The following DPP10 variants were observed in gnomAD, a reference collection of about 807,000 sequenced individuals.
DPP10 encodes the protein dipeptidyl peptidase like 10, also known as inactive dipeptidyl peptidase 10.
Under a neutral mutation model 120.9 loss-of-function variants are expected in DPP10, and 33 were observed. The observed-to-expected ratio is 0.27, with a 90% CI of 0.21 to 0.37. DPP10 has a LOEUF of 0.37. Ranked by LOEUF, DPP10 falls within the 10% of genes least tolerant of loss-of-function variation. The probability of loss-of-function intolerance (pLI) is 1.00; values close to 1 mark genes in which losing one functional copy is unlikely to be tolerated. For synonymous variants in DPP10, 337 were observed against 326.1 expected (o/e 1.03, Z -0.36); for missense variants, 816 against 942.8 (o/e 0.87, Z 1.76).
chr2:114,830,592 A>G (rs1362173854), intron 1 of DPP10, among the ~76,000 whole-genome samples: 1 of 152,178 alleles, frequency 6.6e-6, no homozygotes, highest in African/African-American at 2.4e-5. Flanking sequence ...TGCCTAGCAC[A>G]CAGTAGGTTC....
chr2:115,383,198 C>T lies in DPP10; in HGVS notation c.271+39286C>T, dbSNP rs111955721. On this transcript the variant is annotated intron_variant, in intron 3 of 25. Coordinates refer to ENST00000410059, the MANE Select transcript of DPP10 (RefSeq NM_020868.6). Reference sequence around the variant, plus strand: ...CCACCCAAATCTCATCTTGAATCCCCGTGTGTTGTGGGAGGTTCCTGGTGG... The same window carrying T: ...CCACCCAAATCTCATCTTGAATCCCTGTGTGTTGTGGGAGGTTCCTGGTGG... 7.3e-4 allele frequency among the ~76,000 whole-genome samples: 111 copies of T among 152,224 alleles called. 1 individual carries two copies. The highest frequency in any genetic ancestry group is 2.4e-3 in the African/African-American group (100 of 41,536).
At chr2:114,480,051 G>T (rs36176651) in intron 1 of DPP10, among the ~76,000 whole-genome samples, 5,488 of 152,240 alleles carry the variant, frequency 0.036, 142 homozygotes, top group Non-Finnish European at 0.058. Context: ...GTGGGCGAAG[G>T]ATATGAACAG....
intron 1 of DPP10, among the ~76,000 whole-genome samples, chr2:114,525,792 T>G (rs1226050946): frequency 6.6e-6 from 1 of 152,226 alleles, no homozygotes; most frequent in African/African-American, 2.4e-5. Flanking sequence ...TGAAAGTATC[T>G]TTATTTAGCA....
intron 7 of DPP10, among the ~76,000 whole-genome samples, chr2:115,703,420 G>C (rs1490051674): frequency 6.6e-6 from 1 of 151,926 alleles, no homozygotes; most frequent in Non-Finnish European, 1.5e-5. Context: ...GAGGGAGAAG[G>C]ATTTTAACGA....
At chr2:114,469,011 A>G (rs1046142315) in intron 1 of DPP10, among the ~76,000 whole-genome samples, 2 of 152,244 alleles carry the variant, frequency 1.3e-5, no homozygotes, top group African/African-American at 4.8e-5. Flanking sequence ...AAGTTGACAG[A>G]GATAGCATGT....
intron 1 of DPP10, among the ~76,000 whole-genome samples, chr2:115,155,908 T>A (rs533720431): frequency 1.3e-5 from 2 of 152,330 alleles, no homozygotes; most frequent in African/African-American, 4.8e-5. Context: ...TTTCTCCTCC[T>A]ACTCTACCTT....
intron 1 of DPP10, among the ~76,000 whole-genome samples, chr2:114,969,403 T>G (rs536439073): frequency 1.3e-5 from 2 of 152,338 alleles, no homozygotes; most frequent in South Asian, 4.1e-4. Context: ...TGTTTAAATT[T>G]TGTTTTTCTA....
rs569054690 is a variant in DPP10 at position 115,039,458 on chromosome 2, T to TGA, written c.61-269775_61-269774dup. Among the ~76,000 whole-genome samples, 248 of 152,280 alleles carry TGA rather than the reference T, an allele frequency of 1.6e-3. 1 individual carries two copies. The highest frequency in any genetic ancestry group is 3.0e-3 in the Non-Finnish European group (204 of 68,018). ...CATATAAAAGAAACAGCTGTGTTTC[T>TGA]GAGAGAGTTTGTAGGCATTCTGACC... On this transcript the variant is annotated intron_variant, in intron 1 of 25. Coordinates refer to ENST00000410059, the MANE Select transcript of DPP10 (RefSeq NM_020868.6).
chr2:114,777,486 C>A, intron 1 of DPP10, among the ~76,000 whole-genome samples: 1 of 150,768 alleles, frequency 6.6e-6, no homozygotes, highest in East Asian at 1.9e-4. Context: ...AAGTTGGCAA[C>A]CTCCCTATTT....
At chr2:115,674,241 A>G (rs1469289997) in intron 5 of DPP10, among the ~76,000 whole-genome samples, 1 of 146,362 alleles carries the variant, frequency 6.8e-6, no homozygotes, top group Non-Finnish European at 1.5e-5. Context: ...AAAATAAATG[A>G]GTAAATAAAT....
intron 1 of DPP10, among the ~76,000 whole-genome samples, chr2:114,611,859 C>G (rs977073219): frequency 9.2e-5 from 14 of 152,156 alleles, no homozygotes; most frequent in African/African-American, 3.1e-4. Flanking sequence ...AATACTGATT[C>G]TACCACTAGC....
intron 1 of DPP10, among the ~76,000 whole-genome samples, chr2:115,246,691 G>C (rs1046416821): frequency 2.0e-5 from 3 of 152,138 alleles, no homozygotes; most frequent in South Asian, 2.1e-4. Flanking sequence ...GACACACACA[G>C]ATGTTGTTGG....
chr2:115,485,546 C>T (rs2075723247), intron 3 of DPP10, among the ~76,000 whole-genome samples: 1 of 151,452 alleles, frequency 6.6e-6, no homozygotes, highest in Non-Finnish European at 1.5e-5. Context: ...TGCAATACTA[C>T]CAATTTATTC....
chr2:114,849,233 C>G (rs1050924086), intron 1 of DPP10, among the ~76,000 whole-genome samples: 1 of 152,126 alleles, frequency 6.6e-6, no homozygotes. Context: ...CTGAGTGGTG[C>G]CCCAGCCCTT....
intron 5 of DPP10, among the ~76,000 whole-genome samples, chr2:115,678,667 G>A (rs1202801230): frequency 6.6e-6 from 1 of 152,190 alleles, no homozygotes; most frequent in Non-Finnish European, 1.5e-5. Context: ...GTGGAGCTGT[G>A]AGAAGAGGGC....
intron 1 of DPP10, among the ~76,000 whole-genome samples, chr2:114,884,150 G>A (rs1316341039): frequency 6.6e-6 from 1 of 152,132 alleles, no homozygotes; most frequent in African/African-American, 2.4e-5. Flanking sequence ...AGAATGTAAT[G>A]AGGCACTATT....
chr2:114,447,403 T>G (rs1678005312), intron 1 of DPP10, among the ~76,000 whole-genome samples: 1 of 152,178 alleles, frequency 6.6e-6, no homozygotes, highest in Admixed American at 6.5e-5. Context: ...GGGTATTTCA[T>G]AATTAAATAT....
intron 1 of DPP10, among the ~76,000 whole-genome samples, chr2:114,471,453 C>T (rs1022769483): frequency 6.6e-6 from 1 of 152,038 alleles, no homozygotes; most frequent in Non-Finnish European, 1.5e-5. Context: ...ATTGAGCAAC[C>T]CATCTCCTTA....
chr2:114,942,351 A>G (rs1697005884), intron 1 of DPP10, among the ~76,000 whole-genome samples: 1 of 70,434 alleles, frequency 1.4e-5, no homozygotes, highest in African/African-American at 6.3e-5. Context: ...GTATATATAC[A>G]TATATATATA....
Sources: allele counts gnomAD v4.1 joint callset (sites outside exome capture counted in the v4.1 genomes callset), GRCh38; gene constraint gnomAD v4.1.1; transcripts MANE v1.5; gene names NCBI Gene and HGNC (gene_info 2026-07-23, HGNC 2026-07-21).